The following LPP variants were observed in gnomAD, a reference collection of about 807,000 sequenced individuals.
LPP encodes the protein LIM domain containing preferred translocation partner in lipoma.
Under a neutral mutation model 60.4 loss-of-function variants are expected in LPP, and 38 were observed. The ratio of observed to expected loss-of-function variants is 0.63; its 90% CI spans 0.49 to 0.83. The LOEUF is 0.83. Ranked by LOEUF, LPP falls within the 40% of genes least tolerant of loss-of-function variation. LPP has a pLI of 0.00. For missense variants in LPP, 902 were observed against 783.6 expected (o/e 1.15, Z -1.80); for synonymous variants, 328 against 290.8 (o/e 1.13, Z -1.30).
At chr3:188,662,587 A>C (rs1854836131) in intron 7 of LPP, among the ~76,000 whole-genome samples, 1 of 152,252 alleles carries the variant, frequency 6.6e-6, no homozygotes, top group Non-Finnish European at 1.5e-5. Context: ...TTAAAGATTG[A>C]CTTTATGGTA....
chr3:188,250,818 CTTTCTTTTTCTTTCTTTCT>C (rs1284555109), intron 2 of LPP, among the ~76,000 whole-genome samples: 2 of 141,466 alleles, frequency 1.4e-5, no homozygotes, highest in African/African-American at 2.7e-5. Flanking sequence ...CTCTTTCTTT[CTTTCTTTTTCTTTCTTTCT>C]TTTCTTTTTC....
Position 188,457,339 on chromosome 3 carries a change from T to A in LPP, c.194-27253T>A, listed in dbSNP as rs147895701. 1.3e-3 allele frequency among the ~76,000 whole-genome samples: 204 copies of A among 152,276 alleles called. 1 individual carries two copies. Among genetic ancestry groups the A allele is most frequent in the African/African-American group, 4.6e-3 (190 of 41,548 alleles). Reference sequence around the variant, plus strand: ...TTGATGTACAGCTAACTAATGTAATTTTCCAAAGTTTCTAGAGAAGACAAC... The same window carrying A: ...TTGATGTACAGCTAACTAATGTAATATTCCAAAGTTTCTAGAGAAGACAAC... On this transcript the variant is annotated intron_variant, in intron 4 of 11. Transcript: ENST00000617246.
intron 9 of LPP, among the ~76,000 whole-genome samples, chr3:188,795,893 G>T (rs978576533): frequency 6.6e-6 from 1 of 151,984 alleles, no homozygotes; most frequent in Non-Finnish European, 1.5e-5. Context: ...ATATAGATTC[G>T]ATTTGCACCA....
chr3:188,777,655 T>G (rs1380688313), intron 9 of LPP, among the ~76,000 whole-genome samples: 1 of 152,156 alleles, frequency 6.6e-6, no homozygotes. Flanking sequence ...GCATGTCTTT[T>G]GTCTCTCTGC....
At chr3:188,459,444 G>A (rs1483914923) in intron 4 of LPP, among the ~76,000 whole-genome samples, 1 of 152,122 alleles carries the variant, frequency 6.6e-6, no homozygotes, top group African/African-American at 2.4e-5. Flanking sequence ...TGAGTTCTTG[G>A]TATCACAGCA....
intron 1 of LPP, among the ~76,000 whole-genome samples, chr3:188,207,009 C>T (rs1733417857): frequency 6.6e-6 from 1 of 152,096 alleles, no homozygotes; most frequent in Non-Finnish European, 1.5e-5. Context: ...TTCTTAAACT[C>T]ATCAATGGTA....
chr3:188,812,579 T>C (rs533362028), intron 9 of LPP, among the ~76,000 whole-genome samples: 1 of 152,204 alleles, frequency 6.6e-6, no homozygotes, highest in Admixed American at 6.5e-5. Context: ...GAGGATGTTT[T>C]AAAGATTATA....
chr3:188,167,856 G>A (rs966568581), intron 1 of LPP, among the ~76,000 whole-genome samples: 2 of 152,096 alleles, frequency 1.3e-5, no homozygotes, highest in African/African-American at 4.8e-5. Flanking sequence ...TTGTTTCTCT[G>A]TGCACTTACC....
Position 188,286,231 on chromosome 3 carries a change from G to A in LPP, c.-66-55432G>A, listed in dbSNP as rs143527373. ...TGGAAACTCTCTGAGGTCTTGAAGG[G>A]GTGGGAGAAGTCTCTGACACAAGTG... On this transcript the variant is annotated intron_variant, in intron 2 of 11. Coordinates refer to ENST00000617246, the MANE Select transcript of LPP (RefSeq NM_001375462.1). 2.1e-3 allele frequency among the ~76,000 whole-genome samples: 318 copies of A among 152,294 alleles called. 1 individual carries two copies. The highest frequency in any genetic ancestry group is 7.5e-3 in the African/African-American group (310 of 41,558).
At chr3:188,503,170 G>T (rs1159664322) in intron 5 of LPP, among the ~76,000 whole-genome samples, 2 of 151,638 alleles carry the variant, frequency 1.3e-5, no homozygotes, top group Non-Finnish European at 2.9e-5. Flanking sequence ...TTACAATGGG[G>T]GTTACATTTA....
chr3:188,667,268 G>C (rs1855983400), intron 7 of LPP, among the ~76,000 whole-genome samples: 1 of 151,998 alleles, frequency 6.6e-6, no homozygotes, highest in African/African-American at 2.4e-5. Context: ...CACCAGGTCA[G>C]GAGATAGAGA....
At chr3:188,461,766 G>C (rs1458507766) in intron 4 of LPP, among the ~76,000 whole-genome samples, 1 of 152,114 alleles carries the variant, frequency 6.6e-6, no homozygotes, top group Non-Finnish European at 1.5e-5. Flanking sequence ...CAAAGTTATT[G>C]TAGGCAGCAC....
At chr3:188,323,663 G>A (rs1280343681) in intron 2 of LPP, among the ~76,000 whole-genome samples, 1 of 152,222 alleles carries the variant, frequency 6.6e-6, no homozygotes, top group Non-Finnish European at 1.5e-5. Context: ...TTCTATGCAC[G>A]TGGCACCTGA....
At chr3:188,724,136 T>C (rs1717494906) in intron 8 of LPP, among the ~76,000 whole-genome samples, 1 of 152,226 alleles carries the variant, frequency 6.6e-6, no homozygotes, top group Non-Finnish European at 1.5e-5. Flanking sequence ...GCATTACTTA[T>C]ATCTGGACTA....
rs1769624731 is a variant in LPP, at chr3:188,879,171, A to C, written c.*4692A>C. The stretch of plus-strand genomic sequence containing the variant: ...TTTCTCATGAGGCTGTTGTTTGGTT[A>C]GCATAGCCTTATTTCAAACCTTAAA... On this transcript the variant is annotated 3_prime_UTR_variant, in exon 12 of 12. Transcript: ENST00000617246. The C allele has an allele frequency of 8.7e-6, 2 of 230,558 alleles. No individual in the cohort carries two copies. Among genetic ancestry groups the C allele is most frequent in the African/African-American group, 4.4e-5 (2 of 45,256 alleles). 14.3% of individuals were successfully genotyped at this position (230,558 alleles called of 1,614,324 possible).
At chr3:188,429,999 T>G (rs560401643) in intron 4 of LPP, among the ~76,000 whole-genome samples, 3 of 152,300 alleles carry the variant, frequency 2.0e-5, no homozygotes, top group African/African-American at 7.2e-5. Context: ...ACTACTTCCT[T>G]TATTTTAAAT....
intron 1 of LPP, among the ~76,000 whole-genome samples, chr3:188,203,120 T>C (rs1400724959): frequency 7.1e-6 from 1 of 141,482 alleles, no homozygotes; most frequent in Non-Finnish European, 1.5e-5. Flanking sequence ...AATATAAATA[T>C]AAAATGTATA....
intron 1 of LPP, among the ~76,000 whole-genome samples, chr3:188,194,965 A>G (rs2149032212): frequency 6.6e-6 from 1 of 152,308 alleles, no homozygotes; most frequent in South Asian, 2.1e-4. Context: ...GACCTAAGAA[A>G]GTTAGAGCCT....
At chr3:188,505,230 T>A (rs1813113366) in intron 5 of LPP, among the ~76,000 whole-genome samples, 1 of 152,242 alleles carries the variant, frequency 6.6e-6, no homozygotes, top group Admixed American at 6.5e-5. Flanking sequence ...TGGTGCCTCC[T>A]GCTTTGCCAT....
Sources: gnomAD v4.1 joint callset for allele counts (sites outside exome capture counted in the v4.1 genomes callset) on GRCh38, gnomAD v4.1.1 for gene constraint, MANE v1.5 for transcripts, NCBI Gene and HGNC (gene_info 2026-07-23, HGNC 2026-07-21) for gene names.